PRKCG: variants seen among roughly 807,000 people sequenced by gnomAD.
The protein encoded by PRKCG is protein kinase C gamma, also known as protein kinase C gamma type.
In PRKCG, 28 loss-of-function variants were observed where a neutral mutation model predicts 82.0. The ratio of observed to expected loss-of-function variants is 0.34; its 90% CI spans 0.25 to 0.47. PRKCG has a LOEUF of 0.47. Ranked by LOEUF, PRKCG falls within the 20% of genes least tolerant of loss-of-function variation. The pLI is 1.00. For synonymous variants in PRKCG, 383 were observed against 376.6 expected (o/e 1.02, Z -0.20); for missense variants, 640 against 952.7 (o/e 0.67, Z 4.32).
chr19:53,902,890 CAAAA>C (rs56955659), intron 14 of PRKCG, among the ~76,000 whole-genome samples, 179 bp from the exon 15 acceptor site: 3 of 19,974 alleles, frequency 1.5e-4, no homozygotes, highest in African/African-American at 2.8e-4. Flanking sequence ...GAGACCCTGT[CAAAA>C]AAAAAAAAAA....
chr19:53,902,683 C>A (rs559050138), intron 14 of PRKCG, among the ~76,000 whole-genome samples: 6 of 151,862 alleles, frequency 4.0e-5, no homozygotes, highest in African/African-American at 1.4e-4. Context: ...TTGCTTGAGT[C>A]CGGGAGTTTG....
At chr19:53,894,446 TTTTCTTTC>T (rs200682106) in intron 9 of PRKCG, among the ~76,000 whole-genome samples, 4 of 149,786 alleles carry the variant, frequency 2.7e-5, no homozygotes, top group Non-Finnish European at 4.4e-5. Context: ...ATATCCTTCT[TTTTCTTTC>T]TTTCTTTCTT....
intron 9 of PRKCG, 157 bp downstream of exon 9, chr19:53,893,548 G>A: frequency 1.2e-6 from 1 of 822,272 alleles, no homozygotes; most frequent in Non-Finnish European, 2.0e-6. Flanking sequence ...AGGATCCAGA[G>A]ATGAATCTGA....
At chr19:53,890,075 A>G (rs1388400729) in intron 5 of PRKCG, 58 bp downstream of exon 5, 1 of 1,518,748 alleles carries the variant, frequency 6.6e-7, no homozygotes, top group African/African-American at 1.4e-5. Context: ...GGCGGGGCTG[A>G]CCCAAGGCAC....
In PRKCG at chr19:53,892,843, C is replaced by A; in HGVS notation, c.822-145C>A. The A allele has an allele frequency of 9.6e-7, 1 of 1,046,302 alleles. No individual in the cohort carries two copies. The highest frequency in any genetic ancestry group is 1.4e-5 in the South Asian group (1 of 73,234). The allele number at this position is 1,046,302 out of a possible 1,614,324, so 64.8% of individuals were successfully genotyped here. ...CTCTTCTTCTCCCCTCCCTTTCTCCCTCTCCCTCTCTTTTTATCTCACTCT... is the reference window on the plus strand; with the variant it reads ...CTCTTCTTCTCCCCTCCCTTTCTCCATCTCCCTCTCTTTTTATCTCACTCT... On this transcript the variant is annotated intron_variant, in intron 7 of 17. Transcript: ENST00000263431. The surrounding 1 kb of genome is among the most constrained non-coding windows in gnomAD (Gnocchi z 5.9).
chr19:53,906,352 A>G lies in PRKCG; in HGVS notation c.1800A>G (p.Ser600=). ...LTKHPGKRLG[S]GPDGEPTIRA... ...AGCACCCAGGGAAGCGCCTGGGCTCAGGGCCTGATGGGGAACCTACCATCC... is the reference window on the plus strand; with the variant it reads ...AGCACCCAGGGAAGCGCCTGGGCTCGGGGCCTGATGGGGAACCTACCATCC... Residue 600 remains serine, a synonymous_variant, in exon 17 of 18, where the codon TCA becomes TCG. Transcript: ENST00000263431. 1 of 1,552,436 alleles carries G rather than the reference A, an allele frequency of 6.4e-7. No homozygotes were observed. The highest frequency in any genetic ancestry group is 8.7e-7 in the Non-Finnish European group (1 of 1,147,410).
intron 9 of PRKCG, among the ~76,000 whole-genome samples, chr19:53,894,119 G>A (rs1218618393): frequency 2.6e-5 from 4 of 151,622 alleles, no homozygotes. Context: ...AGGCTGGAGT[G>A]CAGTGGTGCG....
In PRKCG at chr19:53,892,608, C is replaced by T; in HGVS notation, c.786C>T (p.Gly262=). Reference sequence around the variant, plus strand: ...ACTTCATGGGGGCCATGTCCTTTGGCGTCTCGGAGCTGCTCAAGGCGCCCG... The same window carrying T: ...ACTTCATGGGGGCCATGTCCTTTGGTGTCTCGGAGCTGCTCAAGGCGCCCG... ...RNDFMGAMSF[G]VSELLKAPVD... Residue 262 remains glycine (G), a synonymous_variant, in exon 7 of 18, where the codon GGC becomes GGT. Transcript: ENST00000263431. The surrounding 1 kb of genome is among the most constrained non-coding windows in gnomAD (Gnocchi z 5.9). 2 of 1,613,208 alleles carry T rather than the reference C, an allele frequency of 1.2e-6. No individual in the cohort carries two copies. Among genetic ancestry groups the T allele is most frequent in the South Asian group, 1.1e-5 (1 of 91,062 alleles).
intron 15 of PRKCG, among the ~76,000 whole-genome samples, chr19:53,904,099 G>A (rs2123024575): frequency 6.6e-6 from 1 of 152,090 alleles, no homozygotes; most frequent in South Asian, 2.1e-4. Flanking sequence ...TTAGTTAGAA[G>A]TTAAAAAAAA....
intron 16 of PRKCG, among the ~76,000 whole-genome samples, chr19:53,905,095 G>A (rs1459812594): frequency 6.6e-6 from 1 of 152,134 alleles, no homozygotes; most frequent in African/African-American, 2.4e-5. Context: ...CCAAAACTTT[G>A]TGAGCTTAAC....
chr19:53,906,860 A>G lies in PRKCG; in HGVS notation c.2059A>G (p.Ser687Gly), dbSNP rs73937614. Residue 687 changes from serine (S) to glycine (G), a missense_variant, in exon 18 of 18, where the codon AGC (serine) becomes GGC (glycine). By Grantham distance (56) the Ser-to-Gly change is moderately conservative. Around this residue, in one of 7 missense-constraint regions of PRKCG, gnomAD observed 198 missense variants for 273.4 expected, o/e 0.72. Transcript: ENST00000263431. ...NPDFVHPDAR[S>G]PTSPVPVPVM ...CGACTTCGTGCACCCGGATGCCCGC[A>G]GCCCCACCAGCCCAGTGCCTGTGCC... 2,185 of 1,613,544 alleles carry G rather than the reference A, an allele frequency of 1.4e-3. 23 individuals carry two copies. In the African/African-American group the frequency reaches 0.025, roughly 19 times the overall value.
rs188002069 is a variant in PRKCG at position 53,891,496 on chromosome 19, A to T, written c.530-178A>T. Among the ~76,000 whole-genome samples the T allele has an allele frequency of 6.1e-5, 9 of 147,772 alleles. No individual in the cohort carries two copies. In the East Asian group the frequency reaches 1.8e-3, roughly 30 times the overall value. On this transcript the variant is annotated intron_variant, in intron 5 of 17. Transcript: ENST00000263431. ...GAGACGGGGTTTCACCATTCACAGG[A>T]TGGTCTCGATCTCCTGACCTTGTGA...
chr19:53,896,596 T>G (rs2068720157), intron 9 of PRKCG, among the ~76,000 whole-genome samples: 1 of 152,058 alleles, frequency 6.6e-6, no homozygotes, highest in African/African-American at 2.4e-5. Context: ...ATTTTTATAT[T>G]GCTAGTAGAG....
At chr19:53,893,481 A>C (rs1186935125) in intron 9 of PRKCG, 90 bp downstream of exon 9, 1 of 1,366,622 alleles carries the variant, frequency 7.3e-7, no homozygotes. Flanking sequence ...TCAATTCCCC[A>C]CACATGAGTT....
Position 53,892,438 on chromosome 19 carries a change from G to C in PRKCG, c.687-71G>C. 3 of 1,568,356 alleles carry C rather than the reference G, an allele frequency of 1.9e-6. No homozygotes were observed. The highest frequency in any genetic ancestry group is 1.8e-5 in the Admixed American group (1 of 54,714). On this transcript the variant is annotated intron_variant, in intron 6 of 17. Coordinates refer to ENST00000263431, the MANE Select transcript of PRKCG (RefSeq NM_002739.5). The surrounding 1 kb of genome is among the most constrained non-coding windows in gnomAD (Gnocchi z 5.9). ...CTGGCTGGGTTTGCCCCCACCTCCA[G>C]CACCAAGGATGGGGAACCGAGGGGA... is the stretch of plus-strand genomic sequence containing the variant.
rs1599936693 is a variant in PRKCG at position 53,882,301 on chromosome 19, C to T, written c.-194C>T. Reference sequence around the variant, plus strand: ...CTTCCTCCCCACTCGCCCGCTCCCCCTGGCGGAGCCGGCGCGCCCGGGGTG... The same window carrying T: ...CTTCCTCCCCACTCGCCCGCTCCCCTTGGCGGAGCCGGCGCGCCCGGGGTG... On this transcript the variant is annotated 5_prime_UTR_variant, in exon 1 of 18. Transcript: ENST00000263431. The surrounding 1 kb of genome is among the most constrained non-coding windows in gnomAD (Gnocchi z 6.1). 9.1e-6 allele frequency: 7 copies of T among 772,108 alleles called. No homozygotes were observed. The highest frequency in any genetic ancestry group is 6.6e-5 in the South Asian group (4 of 60,402). 47.8% of individuals were successfully genotyped at this position (772,108 alleles called of 1,614,324 possible). A position where few individuals can be genotyped will look rare whatever the true frequency, so the allele number is the denominator to read the frequency against.
chr19:53,903,159 G>A lies in PRKCG; in HGVS notation c.1656+6G>A. 2 of 1,611,908 alleles carry A rather than the reference G, an allele frequency of 1.2e-6. No homozygotes were observed. The highest frequency in any genetic ancestry group is 2.2e-5 in the South Asian group (2 of 91,042). On this transcript the variant is annotated splice_donor_region_variant and intron_variant, in intron 15 of 17. Transcript: ENST00000263431. ...ATGAGATGTTGGCAGGACAGGTAAG[G>A]GAAGGTGGGGAGAAGCTGGCTTGGC...
chr19:53,884,021 A>G lies in PRKCG; in HGVS notation c.203-140A>G. On this transcript the variant is annotated intron_variant, in intron 2 of 17. Transcript: ENST00000263431. The surrounding 1 kb of genome is among the most constrained non-coding windows in gnomAD (Gnocchi z 4.6). ...TGGCCTCCGATTTTCTCTCTGTTGG[A>G]CTCTCTGTGTTGAGATCCCTCTCTT... is the stretch of plus-strand genomic sequence containing the variant. 1 of 792,568 alleles carries G rather than the reference A, an allele frequency of 1.3e-6. No individual in the cohort carries two copies. Among genetic ancestry groups the G allele is most frequent in the East Asian group, 2.7e-5 (1 of 37,658 alleles). 49.1% of individuals were successfully genotyped at this position (792,568 alleles called of 1,614,324 possible). A position where few individuals can be genotyped will look rare whatever the true frequency, so the allele number is the denominator to read the frequency against.
chr19:53,899,974 G>T (rs987094115), intron 11 of PRKCG, among the ~76,000 whole-genome samples: 5 of 152,186 alleles, frequency 3.3e-5, no homozygotes, highest in Non-Finnish European at 5.9e-5. Context: ...GATTTCGAGC[G>T]AATGGTGGGC....
Sources: allele counts gnomAD v4.1 joint callset (sites outside exome capture counted in the v4.1 genomes callset), GRCh38; gene constraint gnomAD v4.1.1; regional missense constraint gnomAD v4.1.1; non-coding constraint Gnocchi (gnomAD v3.1); transcripts MANE v1.5; gene names NCBI Gene and HGNC (gene_info 2026-07-23, HGNC 2026-07-21).